AFF1: variants seen among roughly 807,000 people sequenced by gnomAD.
AFF1 encodes AF4/FMR2 family member 1.
Under a neutral mutation model 121.7 loss-of-function variants are expected in AFF1, and 48 were observed. The observed-to-expected ratio is 0.39, with a 90% CI of 0.31 to 0.50. The LOEUF (loss-of-function observed/expected upper bound fraction) is 0.50. Ranked by LOEUF, AFF1 falls within the 20% of genes least tolerant of loss-of-function variation. The pLI is 0.76. For synonymous variants in AFF1, 613 were observed against 563.0 expected (o/e 1.09, Z -1.26); for missense variants, 1,523 against 1,511.7 (o/e 1.01, Z -0.12).
intron 1 of AFF1, chr4:86,935,472 G>A (rs369657720): frequency 6.6e-6 from 1 of 152,444 alleles, no homozygotes; most frequent in Admixed American, 6.5e-5. Context: ...GTAGCGCGTA[G>A]AAAAACAGGG....
At chr4:86,952,783 C>T (rs1268241081) in intron 2 of AFF1, among the ~76,000 whole-genome samples, 7 of 148,768 alleles carry the variant, frequency 4.7e-5, no homozygotes, top group Non-Finnish European at 8.9e-5. Context: ...CGGGTTCAAG[C>T]GTTTCTCCTG....
intron 2 of AFF1, among the ~76,000 whole-genome samples, chr4:86,983,720 CA>C (rs113012679): frequency 3.1e-4 from 37 of 118,258 alleles, no homozygotes; most frequent in Non-Finnish European, 3.5e-4. Context: ...AATGAAAAAC[CA>C]AAAAAAAAAA....
At chr4:87,098,421 C>G (rs1279564257) in intron 8 of AFF1, among the ~76,000 whole-genome samples, 1 of 152,182 alleles carries the variant, frequency 6.6e-6, no homozygotes, top group African/African-American at 2.4e-5. Flanking sequence ...AGGCTTAGAT[C>G]TGTGAAGTGC....
At chr4:87,115,345 C>T in intron 12 of AFF1, 46 bp downstream of exon 12, 1 of 1,480,212 alleles carries the variant, frequency 6.8e-7, no homozygotes. Context: ...ACCATCCTTG[C>T]TGTTGGCCTG....
At chr4:87,075,207 C>T (rs1221373313) in intron 4 of AFF1, among the ~76,000 whole-genome samples, 1 of 151,976 alleles carries the variant, frequency 6.6e-6, no homozygotes, top group Non-Finnish European at 1.5e-5. Flanking sequence ...TTATAAGTTT[C>T]AGTGATGTCT....
At chr4:86,938,543 T>G (rs1720219858) in intron 1 of AFF1, among the ~76,000 whole-genome samples, 3 of 152,136 alleles carry the variant, frequency 2.0e-5, no homozygotes, top group Admixed American at 2.0e-4. Flanking sequence ...AATAATAAAT[T>G]CAACAATGGT....
chr4:87,069,517 T>TCC (rs1721769602), intron 4 of AFF1, among the ~76,000 whole-genome samples: 2 of 136,210 alleles, frequency 1.5e-5, no homozygotes, highest in African/African-American at 6.3e-5. Flanking sequence ...TTCTCTCCTC[T>TCC]CCCCTCCTCT....
chr4:87,031,304 A>G (rs1285130145), intron 2 of AFF1, among the ~76,000 whole-genome samples: 1 of 152,214 alleles, frequency 6.6e-6, no homozygotes, highest in Non-Finnish European at 1.5e-5. Context: ...ACTTCTGCTC[A>G]TCATTCAAGA....
chr4:87,072,082 G>T (rs554950805), intron 4 of AFF1, among the ~76,000 whole-genome samples: 1 of 152,212 alleles, frequency 6.6e-6, no homozygotes, highest in Admixed American at 6.5e-5. Context: ...TTAAATTCAG[G>T]GCTGGGCGTG....
chr4:86,980,956 C>CA (rs1560515187), intron 2 of AFF1, among the ~76,000 whole-genome samples: 1 of 140,796 alleles, frequency 7.1e-6, no homozygotes, highest in East Asian at 2.1e-4. Context: ...CACCCCCCCC[C>CA]TCCACCAAAA....
chr4:87,010,170 T>G (rs1420502072), intron 2 of AFF1, among the ~76,000 whole-genome samples: 2 of 152,224 alleles, frequency 1.3e-5, no homozygotes, highest in Non-Finnish European at 2.9e-5. Flanking sequence ...TTTTATAAAT[T>G]AAGGCTGTGT....
rs342462 is a variant in AFF1 at position 87,136,329 on chromosome 4, G to A, written c.*628G>A. On this transcript the variant is annotated 3_prime_UTR_variant, in exon 21 of 21. Coordinates refer to ENST00000395146, the MANE Select transcript of AFF1 (RefSeq NM_001166693.3). ...ATTTATAAAATTGAAGGCAACCCCC[G>A]CTCCTGCCGCCCCCAATCTCCCCAT... 45,630 of 231,826 alleles carry A rather than the reference G, an allele frequency of 0.2. 4,637 individuals are homozygous for A. The highest frequency in any genetic ancestry group is 0.35 in the Middle Eastern group (275 of 786). The allele number at this position is 231,826 out of a possible 1,614,324, so 14.4% of individuals were successfully genotyped here.
intron 2 of AFF1, among the ~76,000 whole-genome samples, chr4:86,958,094 T>TCCC: frequency 2.5e-4 from 1 of 4,028 alleles, no homozygotes; most frequent in East Asian, 4.3e-3. Flanking sequence ...TTTTTTCCTT[T>TCCC]TTTTTTTTTT....
chr4:87,102,547 C>A (rs1725530678), intron 8 of AFF1, among the ~76,000 whole-genome samples: 1 of 152,072 alleles, frequency 6.6e-6, no homozygotes, highest in Non-Finnish European at 1.5e-5. Flanking sequence ...AGCCACCACA[C>A]AGGATTGTAA....
intron 2 of AFF1, among the ~76,000 whole-genome samples, chr4:86,983,386 C>T (rs1293025516): frequency 1.3e-5 from 2 of 152,004 alleles, no homozygotes; most frequent in African/African-American, 4.8e-5. Flanking sequence ...ATCAGCCGGG[C>T]ATGGTGGCAC....
intron 4 of AFF1, among the ~76,000 whole-genome samples, chr4:87,080,873 A>C (rs1198108241): frequency 1.3e-5 from 2 of 152,168 alleles, no homozygotes; most frequent in Non-Finnish European, 2.9e-5. Context: ...TGAAGATGTG[A>C]GTCTCAGGTA....
chr4:86,947,541 G>A (rs529506244), intron 1 of AFF1, among the ~76,000 whole-genome samples: 1 of 152,296 alleles, frequency 6.6e-6, no homozygotes, highest in Admixed American at 6.5e-5. Context: ...TCTGTACTAA[G>A]ATAATTTAGT....
intron 12 of AFF1, among the ~76,000 whole-genome samples, chr4:87,115,625 T>TTTTTTTTC (rs397994396): frequency 2.9e-5 from 3 of 103,036 alleles, no homozygotes; most frequent in African/African-American, 9.9e-5. Flanking sequence ...TTTTTTTTTT[T>TTTTTTTTC]CCAAAGACAG....
chr4:86,990,658 C>A (rs1484857140), intron 2 of AFF1, among the ~76,000 whole-genome samples: 20 of 152,064 alleles, frequency 1.3e-4, no homozygotes, highest in Admixed American at 1.3e-3. Flanking sequence ...TTGCTGTCAT[C>A]AAGGTTTATC....
Sources: gnomAD v4.1 joint callset for allele counts (sites outside exome capture counted in the v4.1 genomes callset) on GRCh38, gnomAD v4.1.1 for gene constraint, MANE v1.5 for transcripts, NCBI Gene and HGNC (gene_info 2026-07-23, HGNC 2026-07-21) for gene names.